SLC9A9: variants seen among roughly 807,000 people sequenced by gnomAD.
SLC9A9 encodes solute carrier family 9 member A9, also known as sodium/hydrogen exchanger 9.
In SLC9A9, 62 loss-of-function variants were observed where a neutral mutation model predicts 77.8. That is an observed-to-expected ratio of 0.80 (90% CI 0.65 to 0.98). SLC9A9 has a LOEUF of 0.98. Among genes scored for constraint, SLC9A9 ranks in the 50% least tolerant of loss-of-function variants. The pLI, the probability that SLC9A9 is intolerant of heterozygous loss-of-function variation, is 0.00. For missense variants in SLC9A9, 775 were observed against 774.9 expected (o/e 1.00, Z 0.00); for synonymous variants, 320 against 283.5 (o/e 1.13, Z -1.29).
intron 4 of SLC9A9, among the ~76,000 whole-genome samples, chr3:143,725,705 G>A (rs1165260216): frequency 7.3e-6 from 1 of 137,430 alleles, no homozygotes; most frequent in Non-Finnish European, 1.6e-5. Flanking sequence ...ATGGACACAG[G>A]AAGGGGAACG....
intron 12 of SLC9A9, among the ~76,000 whole-genome samples, chr3:143,444,850 T>C (rs2034813441): frequency 6.6e-6 from 1 of 152,230 alleles, no homozygotes; most frequent in South Asian, 2.1e-4. Flanking sequence ...TGTGGCATAT[T>C]TCCCTTTGGC....
intron 14 of SLC9A9, among the ~76,000 whole-genome samples, chr3:143,312,871 A>C (rs2031069845): frequency 4.6e-5 from 7 of 152,218 alleles, no homozygotes; most frequent in Admixed American, 4.6e-4. Context: ...TTACGTCGCC[A>C]ATGTAAATTT....
At chr3:143,393,114 C>T (rs1019970959) in intron 12 of SLC9A9, among the ~76,000 whole-genome samples, 2 of 152,218 alleles carry the variant, frequency 1.3e-5, no homozygotes, top group South Asian at 4.1e-4. Flanking sequence ...ATCTACAGAA[C>T]TCTCCACCTC....
chr3:143,549,154 C>T (rs2036838958), intron 9 of SLC9A9, among the ~76,000 whole-genome samples: 1 of 152,222 alleles, frequency 6.6e-6, no homozygotes, highest in Non-Finnish European at 1.5e-5. Context: ...ACAGTGGCAA[C>T]CTCTTTAGTA....
chr3:143,811,732 C>T (rs939333734), intron 2 of SLC9A9: 1 of 454,906 alleles, frequency 2.2e-6, no homozygotes, highest in African/African-American at 2.0e-5. Context: ...CACAGTGGCA[C>T]ACGCCTGTAA....
intron 9 of SLC9A9, among the ~76,000 whole-genome samples, chr3:143,530,874 T>A (rs2036500051): frequency 1.3e-5 from 2 of 152,328 alleles, no homozygotes; most frequent in Admixed American, 1.3e-4. Context: ...TTTGCCTCTG[T>A]CAACTTACCT....
At chr3:143,599,496 G>C (rs1452624195) in intron 6 of SLC9A9, among the ~76,000 whole-genome samples, 2 of 152,028 alleles carry the variant, frequency 1.3e-5, no homozygotes, top group East Asian at 1.9e-4. Flanking sequence ...GTTGAGATGT[G>C]ACCTACACAT....
At chr3:143,388,809 T>C (rs1028229548) in intron 12 of SLC9A9, among the ~76,000 whole-genome samples, 1 of 152,170 alleles carries the variant, frequency 6.6e-6, no homozygotes, top group Non-Finnish European at 1.5e-5. Context: ...AGAACCACAG[T>C]ATGGTGTGAT....
intron 2 of SLC9A9, among the ~76,000 whole-genome samples, chr3:143,818,601 G>A (rs2009082622): frequency 6.6e-6 from 1 of 152,138 alleles, no homozygotes. Context: ...GCCACTGCAT[G>A]CCTGGCCATG....
At chr3:143,303,415 C>A (rs1490820084) in intron 14 of SLC9A9, among the ~76,000 whole-genome samples, 1 of 149,546 alleles carries the variant, frequency 6.7e-6, no homozygotes, top group East Asian at 1.9e-4. Context: ...GGCAAGGCCT[C>A]TTGGGGGCTG....
intron 14 of SLC9A9, among the ~76,000 whole-genome samples, chr3:143,279,364 CACAAGTGAGGTGTTTACTT>C (rs1374198504): frequency 6.6e-6 from 1 of 152,160 alleles, no homozygotes; most frequent in African/African-American, 2.4e-5. Context: ...CATGTTTCCA[CACAAGTGAGGTGTTTACTT>C]AGAAGGTGGG....
chr3:143,641,682 T>G (rs1387350821), intron 6 of SLC9A9, among the ~76,000 whole-genome samples: 1 of 152,220 alleles, frequency 6.6e-6, no homozygotes, highest in East Asian at 1.9e-4. Flanking sequence ...CGTGAGCCAC[T>G]GTGCCCGGCC....
rs1286556547 is a variant in SLC9A9, at chr3:143,266,878, C to T, written c.1762G>A (p.Ala588Thr). ...VECIVNQDELAINYQEQASSP... is the reference protein window; with the variant it reads ...VECIVNQDELTINYQEQASSP... ...GAGGCTTGCTCCTGGTAATTTATGG[C>T]TAGTTCATCCTGGTTTACAATGCAT... The change falls in exon 16 of 16, where the codon GCC becomes ACC. Residue 588 changes from alanine (A) to threonine (T), a missense_variant. By Grantham distance (58) the Ala-to-Thr change is moderately conservative. Transcript: ENST00000316549. 2 of 1,614,102 alleles carry T rather than the reference C, an allele frequency of 1.2e-6. No homozygotes were observed. The highest frequency in any genetic ancestry group is 1.7e-6 in the Non-Finnish European group (2 of 1,180,004).
At chr3:143,758,149 A>T (rs1294194327) in intron 4 of SLC9A9, among the ~76,000 whole-genome samples, 1 of 152,200 alleles carries the variant, frequency 6.6e-6, no homozygotes, top group South Asian at 2.1e-4. Flanking sequence ...TCAGTTCTAC[A>T]TAATGAGGCC....
chr3:143,284,358 C>A (rs886399401), intron 14 of SLC9A9, among the ~76,000 whole-genome samples: 2 of 151,070 alleles, frequency 1.3e-5, no homozygotes, highest in African/African-American at 4.9e-5. Flanking sequence ...AAAGAAGATT[C>A]ATTTAATGCC....
At chr3:143,679,802 C>T (rs547612426) in intron 5 of SLC9A9, among the ~76,000 whole-genome samples, 3 of 152,052 alleles carry the variant, frequency 2.0e-5, no homozygotes, top group East Asian at 1.9e-4. Flanking sequence ...AAACAAAAAA[C>T]GGAAGTATTA....
chr3:143,487,554 A>G (rs921342848), intron 11 of SLC9A9, among the ~76,000 whole-genome samples: 1 of 151,944 alleles, frequency 6.6e-6, no homozygotes, highest in Non-Finnish European at 1.5e-5. Context: ...ATTTAAAAAG[A>G]TAGGACAACA....
chr3:143,408,982 A>T (rs1323198194), intron 12 of SLC9A9, among the ~76,000 whole-genome samples: 1 of 152,246 alleles, frequency 6.6e-6, no homozygotes, highest in Non-Finnish European at 1.5e-5. Context: ...CCCTGCCGGG[A>T]CCGCATTTTG....
intron 9 of SLC9A9, among the ~76,000 whole-genome samples, chr3:143,509,230 G>A (rs1190985890): frequency 6.6e-6 from 1 of 152,074 alleles, no homozygotes; most frequent in Non-Finnish European, 1.5e-5. Flanking sequence ...TATGACATTT[G>A]GATAATGTCA....
Sources: gnomAD v4.1 joint callset for allele counts (sites outside exome capture counted in the v4.1 genomes callset) on GRCh38, gnomAD v4.1.1 for gene constraint, MANE v1.5 for transcripts, NCBI Gene and HGNC (gene_info 2026-07-23, HGNC 2026-07-21) for gene names.